LRP1B: variants seen among roughly 807,000 people sequenced by gnomAD.
LRP1B encodes LDL receptor related protein 1B.
LRP1B carries 217 observed loss-of-function variants against 556.6 expected under a neutral mutation model. The ratio of observed to expected loss-of-function variants is 0.39; its 90% confidence interval spans 0.35 to 0.44. LRP1B has a LOEUF of 0.44. LRP1B is among the 20% of genes least tolerant of loss of function. LRP1B has a pLI of 1.00. For missense variants in LRP1B, 5,053 were observed against 5,620.8 expected, an observed-to-expected ratio of 0.90 and a Z score of 3.23; for synonymous variants, 2,047 against 1,865.8, an observed-to-expected ratio of 1.10 and a Z score of -2.50.
Position 140,270,276 on chromosome 2 carries a change from G to A in LRP1B, c.13213C>T (p.Gln4405Ter), listed in dbSNP as rs776675475. The A allele has an allele frequency of 6.2e-7, 1 of 1,611,900 alleles. No homozygotes were observed. The highest frequency in any genetic ancestry group is 8.5e-7 in the Non-Finnish European group (1 of 1,178,592). ...GGTACATTTGTCTCGGGGTCCAGCT[G>A]GCATGTGCCACCATTGTAACAGTAG... ...DGYCYNGGTC[Q>*]LDPETNVPVC... The change falls in exon 86 of 91, where the codon CAG (glutamine) becomes TAG (stop). Residue 4405 changes from glutamine to a stop codon, truncating the protein, a stop_gained. Coordinates refer to ENST00000389484, the MANE Select transcript of LRP1B (RefSeq NM_018557.3). LOFTEE classifies it high-confidence loss of function.
At chr2:141,501,145 T>A (rs1278907690) in intron 2 of LRP1B, among the ~76,000 whole-genome samples, 1 of 152,196 alleles carries the variant, frequency 6.6e-6, no homozygotes, top group East Asian at 1.9e-4. Context: ...CCTTTATTTA[T>A]AGAGAAGTAT....
intron 1 of LRP1B, among the ~76,000 whole-genome samples, chr2:142,016,157 C>T (rs546806561): frequency 7.2e-5 from 11 of 151,880 alleles, no homozygotes; most frequent in Admixed American, 2.6e-4. Flanking sequence ...ATTAGAATGG[C>T]GATCATTAAA....
At chr2:141,862,174 G>A (rs17766568) in intron 1 of LRP1B, among the ~76,000 whole-genome samples, 44,632 of 151,904 alleles carry the variant, frequency 0.29, 7,069 homozygotes, top group African/African-American at 0.39. Context: ...ACCTTAATAT[G>A]AGAATACAAA....
intron 15 of LRP1B, among the ~76,000 whole-genome samples, chr2:141,004,796 A>G (rs141179180): frequency 6.6e-6 from 1 of 152,222 alleles, no homozygotes; most frequent in Non-Finnish European, 1.5e-5. Flanking sequence ...AAAAGTCATA[A>G]CAGAATAATA....
Position 140,264,702 on chromosome 2 carries a change from A to ATGTGTGTGTGTGTG in LRP1B, c.13247+5526_13247+5539dup, listed in dbSNP as rs3033314. 5.4e-5 allele frequency among the ~76,000 whole-genome samples: 8 copies of ATGTGTGTGTGTGTG among 148,974 alleles called. No homozygotes were observed. In the East Asian group the frequency reaches 1.4e-3, roughly 26 times the overall value. The stretch of plus-strand genomic sequence containing the variant: ...TGACAAAAAAAAAAATTGTCTATAT[A>ATGTGTGTGTGTGTG]TGTGTGTGTGTGTGTGTGTGTGTGT... On this transcript the variant is annotated intron_variant, in intron 86 of 90. Coordinates refer to ENST00000389484, the MANE Select transcript of LRP1B (RefSeq NM_018557.3).
In LRP1B at chr2:141,674,553, TTAA is replaced by T. The variant is rs370165645; in HGVS notation, c.205+135723_205+135725del. On this transcript the variant is annotated intron_variant, in intron 2 of 90. Transcript: ENST00000389484. ...CACTGGAAACATATCTATGTTATAA[TTAA>T]TAATAATCATACTATTTAATGTTTA... 7.2e-5 allele frequency among the ~76,000 whole-genome samples: 11 copies of T among 152,212 alleles called. No individual in the cohort carries two copies. The East Asian group carries it at 1.5e-3, about 21-fold the overall frequency.
intron 23 of LRP1B, among the ~76,000 whole-genome samples, chr2:140,902,716 T>C (rs968802390): frequency 6.6e-6 from 1 of 152,186 alleles, no homozygotes; most frequent in Non-Finnish European, 1.5e-5. Flanking sequence ...AATCTGATGG[T>C]AACAATTCAA....
intron 37 of LRP1B, among the ~76,000 whole-genome samples, chr2:140,708,802 T>C (rs2105445324): frequency 6.6e-6 from 1 of 152,116 alleles, no homozygotes. Flanking sequence ...GAGCCTATAC[T>C]TCTAGAGCTC....
At chr2:140,447,839 T>C (rs1686728171) in intron 63 of LRP1B, among the ~76,000 whole-genome samples, 1 of 152,078 alleles carries the variant, frequency 6.6e-6, no homozygotes, top group Admixed American at 6.6e-5. Flanking sequence ...CATTGTGGGC[T>C]ATTAGTTGAC....
intron 7 of LRP1B, among the ~76,000 whole-genome samples, chr2:141,165,597 A>C (rs1258008726): frequency 6.6e-6 from 1 of 151,932 alleles, no homozygotes; most frequent in Non-Finnish European, 1.5e-5. Flanking sequence ...ATGCATCATC[A>C]TCCTCATCCT....
At chr2:140,841,911 A>G (rs1303760807) in intron 29 of LRP1B, among the ~76,000 whole-genome samples, 2 of 78,864 alleles carry the variant, frequency 2.5e-5, no homozygotes, top group African/African-American at 3.9e-5. Flanking sequence ...TTAGTGCCCA[A>G]TTTATAGCAT....
intron 1 of LRP1B, among the ~76,000 whole-genome samples, chr2:141,996,306 A>T (rs955695977): frequency 6.6e-6 from 1 of 152,112 alleles, no homozygotes; most frequent in Non-Finnish European, 1.5e-5. Flanking sequence ...GCCGAATGAC[A>T]TAGGTGTGAA....
At chr2:141,928,768 A>G (rs1290975464) in intron 1 of LRP1B, among the ~76,000 whole-genome samples, 2 of 152,144 alleles carry the variant, frequency 1.3e-5, no homozygotes, top group African/African-American at 2.4e-5. Context: ...TACAACTCAA[A>G]GACTGGAGCA....
chr2:141,173,674 T>C (rs535479962), intron 7 of LRP1B, among the ~76,000 whole-genome samples: 21 of 152,188 alleles, frequency 1.4e-4, no homozygotes, highest in African/African-American at 5.1e-4. Context: ...GGTAGGAATC[T>C]TATGACCATG....
chr2:140,549,166 T>C (rs527492394), intron 43 of LRP1B, among the ~76,000 whole-genome samples: 6 of 152,152 alleles, frequency 3.9e-5, no homozygotes, highest in Non-Finnish European at 7.4e-5. Flanking sequence ...GAGATGTTGT[T>C]GAAATTCAGA....
chr2:140,651,639 G>A (rs1262356972), intron 41 of LRP1B, among the ~76,000 whole-genome samples: 3 of 151,508 alleles, frequency 2.0e-5, no homozygotes, highest in Admixed American at 2.0e-4. Context: ...TTGTAGTTCA[G>A]TGTATATTTC....
At chr2:141,933,460 G>C (rs960904547) in intron 1 of LRP1B, among the ~76,000 whole-genome samples, 1 of 151,932 alleles carries the variant, frequency 6.6e-6, no homozygotes, top group African/African-American at 2.4e-5. Flanking sequence ...CTGGGAATGG[G>C]GTCAAGAGAT....
Position 141,863,429 on chromosome 2 carries a change from C to T in LRP1B, c.83-53028G>A, listed in dbSNP as rs111288965. The stretch of plus-strand genomic sequence containing the variant: ...GGAGAATGCCAAAGGAAATTCTTTA[C>T]CTAGAGTAGTCAGGAAAAGCTGTAC... On this transcript the variant is annotated intron_variant, in intron 1 of 90. Coordinates refer to ENST00000389484, the MANE Select transcript of LRP1B (RefSeq NM_018557.3). Among the ~76,000 whole-genome samples the T allele has an allele frequency of 3.3e-5, 5 of 152,204 alleles. 1 individual carries two copies. The highest frequency in any genetic ancestry group is 1.2e-4 in the African/African-American group (5 of 41,528).
At chr2:140,564,234 T>C (rs907004723) in intron 43 of LRP1B, among the ~76,000 whole-genome samples, 1 of 152,196 alleles carries the variant, frequency 6.6e-6, no homozygotes, top group African/African-American at 2.4e-5. Context: ...CCTATTTTAC[T>C]AACTTGTAAT....
Sources: gnomAD v4.1 joint callset for allele counts (sites outside exome capture counted in the v4.1 genomes callset) on GRCh38, gnomAD v4.1.1 for gene constraint, MANE v1.5 for transcripts, NCBI Gene and HGNC (gene_info 2026-07-23, HGNC 2026-07-21) for gene names.